Variants in CIROZ observed in about 807,000 individuals in gnomAD.
CIROZ encodes the protein ciliated left-right organizer ZP-N domains-containing protein.
the CIROZ span, among the ~76,000 whole-genome samples, chr1:10,974,811 A>G: frequency 2.0e-4 from 31 of 152,310 alleles, no homozygotes; most frequent in African/African-American, 7.5e-4. The surrounding 1 kb of genome is among the most constrained non-coding windows in gnomAD (Gnocchi z 4.4). Context: ...ATTTAACCAT[A>G]AGTAACACAG....
At chr1:10,978,473 C>G in the CIROZ span, among the ~76,000 whole-genome samples, 4 of 150,462 alleles carry the variant, frequency 2.7e-5, no homozygotes, top group Non-Finnish European at 5.9e-5. Flanking sequence ...CTTTGGGAGA[C>G]TGAGGCAGGA....
At chr1:10,973,959 C>T in the CIROZ span, among the ~76,000 whole-genome samples, 9 of 144,618 alleles carry the variant, frequency 6.2e-5, no homozygotes, top group African/African-American at 2.0e-4. Flanking sequence ...AGGAAGGACC[C>T]CCCCCACCAA....
At chr1:10,969,387 A>G in the CIROZ span, among the ~76,000 whole-genome samples, 1 of 152,138 alleles carries the variant, frequency 6.6e-6, no homozygotes, top group Non-Finnish European at 1.5e-5. Flanking sequence ...CTCATGGCAG[A>G]AAGGTTTCTG....
chr1:10,968,219 T>C, the CIROZ span, among the ~76,000 whole-genome samples: 1 of 152,166 alleles, frequency 6.6e-6, no homozygotes, highest in African/African-American at 2.4e-5. Flanking sequence ...TATCTCTGGG[T>C]AGAGGGATTA....
At chr1:10,948,622 G>A in the CIROZ span, 1 of 1,614,056 alleles carries the variant, frequency 6.2e-7, no homozygotes, top group Non-Finnish European at 8.5e-7. Flanking sequence ...GTCAGAGCCG[G>A]GTGCGTTGGC....
the CIROZ span, among the ~76,000 whole-genome samples, chr1:10,959,823 C>G: frequency 6.6e-6 from 1 of 152,260 alleles, no homozygotes; most frequent in East Asian, 1.9e-4. This position sits in a 1 kb window ranked among gnomAD's most constrained non-coding sequence, Gnocchi z 4.3. Context: ...ATGTTGGCAG[C>G]AGGCTCGGGC....
chr1:10,962,240 G>A, the CIROZ span, among the ~76,000 whole-genome samples: 2 of 152,102 alleles, frequency 1.3e-5, no homozygotes, highest in Admixed American at 6.6e-5. Context: ...GAGGTCAGGA[G>A]TTCTAGACCA....
chr1:10,955,844 CAA>C, the CIROZ span, among the ~76,000 whole-genome samples: 129 of 98,364 alleles, frequency 1.3e-3, no homozygotes, highest in African/African-American at 2.1e-3. Context: ...AACTCCATCT[CAA>C]AAAAAAAAAA....
At chr1:10,955,508 T>C in the CIROZ span, among the ~76,000 whole-genome samples, 1 of 152,190 alleles carries the variant, frequency 6.6e-6, no homozygotes, top group African/African-American at 2.4e-5. Flanking sequence ...TTCGGTGACC[T>C]AGCCCAGTGC....
At chr1:10,959,748 G>T in the CIROZ span, among the ~76,000 whole-genome samples, 2 of 152,176 alleles carry the variant, frequency 1.3e-5, no homozygotes, top group Non-Finnish European at 2.9e-5. This position sits in a 1 kb window ranked among gnomAD's most constrained non-coding sequence, Gnocchi z 4.3. Context: ...CCAGGAAAAG[G>T]CCCGCCACCA....
chr1:10,973,814 C>A, the CIROZ span, among the ~76,000 whole-genome samples: 1 of 152,156 alleles, frequency 6.6e-6, no homozygotes, highest in East Asian at 1.9e-4. Context: ...CAAACTGCAG[C>A]TGTGGATCGG....
At chr1:10,974,693 C>T in the CIROZ span, among the ~76,000 whole-genome samples, 1 of 152,164 alleles carries the variant, frequency 6.6e-6, no homozygotes, top group Non-Finnish European at 1.5e-5. This position sits in a 1 kb window ranked among gnomAD's most constrained non-coding sequence, Gnocchi z 4.4. Context: ...CAGAGGTTTC[C>T]GGCCAGAAAA....
the CIROZ span, among the ~76,000 whole-genome samples, chr1:10,952,462 A>G: frequency 1.3e-5 from 2 of 151,808 alleles, no homozygotes; most frequent in Admixed American, 1.3e-4. Context: ...AAGATCACCT[A>G]CTCTCTGACA....
At chr1:10,969,427 T>G in the CIROZ span, among the ~76,000 whole-genome samples, 83 of 152,314 alleles carry the variant, frequency 5.4e-4, 1 homozygote, top group South Asian at 1.9e-3. Context: ...TGTTGTTTGC[T>G]ATTTTAGGTG....
the CIROZ span, among the ~76,000 whole-genome samples, chr1:10,977,002 A>G: frequency 1.3e-5 from 2 of 151,502 alleles, no homozygotes; most frequent in Admixed American, 1.3e-4. Context: ...TATTAAAACT[A>G]TAAAACATTA....
the CIROZ span, among the ~76,000 whole-genome samples, chr1:10,974,403 A>G: frequency 0.31 from 46,813 of 151,740 alleles, 8,554 homozygotes; most frequent in African/African-American, 0.52. This position sits in a 1 kb window ranked among gnomAD's most constrained non-coding sequence, Gnocchi z 4.4. Flanking sequence ...CAGTGGGCAG[A>G]GAAAAGCTAA....
At chr1:10,956,803 C>T in the CIROZ span, among the ~76,000 whole-genome samples, 1 of 152,100 alleles carries the variant, frequency 6.6e-6, no homozygotes, top group African/African-American at 2.4e-5. Flanking sequence ...ATTCACCCCA[C>T]ATCCCACCCC....
the CIROZ span, among the ~76,000 whole-genome samples, chr1:10,954,772 T>G: frequency 1.3e-5 from 2 of 152,188 alleles, no homozygotes; most frequent in Non-Finnish European, 2.9e-5. Flanking sequence ...TGTAATTTTT[T>G]TGTAGCAATG....
chr1:10,981,668 T>C, the CIROZ span, among the ~76,000 whole-genome samples: 1 of 152,198 alleles, frequency 6.6e-6, no homozygotes, highest in African/African-American at 2.4e-5. Flanking sequence ...TTGGTCAACT[T>C]GACCCCTAAT....
Sources: gnomAD v4.1 joint callset for allele counts (sites outside exome capture counted in the v4.1 genomes callset) on GRCh38, gnomAD v4.1.1 for gene constraint, Gnocchi (gnomAD v3.1) non-coding constraint, MANE v1.5 for transcripts, NCBI Gene and HGNC (gene_info 2026-07-23, HGNC 2026-07-21) for gene names.